TRPC7: variants seen among roughly 807,000 people sequenced by gnomAD.
TRPC7 encodes the protein short transient receptor potential channel 7.
A neutral mutation model predicts 90.1 loss-of-function variants in TRPC7; 42 were observed. The ratio of observed to expected loss-of-function variants is 0.47; its 90% CI spans 0.36 to 0.60. TRPC7 has a LOEUF of 0.60. Among genes scored for constraint, TRPC7 ranks in the 20% least tolerant of loss-of-function variants. The probability of loss-of-function intolerance (pLI) is 0.00; values close to 1 mark genes in which losing one functional copy is unlikely to be tolerated. For missense variants in TRPC7, 955 were observed against 1,112.3 expected, an observed-to-expected ratio of 0.86 and a Z score of 2.01; for synonymous variants, 451 against 436.3, an observed-to-expected ratio of 1.03 and a Z score of -0.42.
At chr5:136,325,870 C>T (rs1759329078) in intron 2 of TRPC7, among the ~76,000 whole-genome samples, 1 of 152,152 alleles carries the variant, frequency 6.6e-6, no homozygotes, top group African/African-American at 2.4e-5. Context: ...AGGAAAAACC[C>T]CATCTCTCCA....
At chr5:136,304,819 C>T (rs1758549188) in intron 3 of TRPC7, among the ~76,000 whole-genome samples, 1 of 152,234 alleles carries the variant, frequency 6.6e-6, no homozygotes, top group African/African-American at 2.4e-5. Flanking sequence ...CAATCCCTTA[C>T]AAAACAACAA....
chr5:136,249,637 T>C (rs994214185), intron 6 of TRPC7, among the ~76,000 whole-genome samples: 9 of 152,236 alleles, frequency 5.9e-5, no homozygotes, highest in African/African-American at 2.2e-4. Context: ...TGTCAGATCC[T>C]GGTGACTAGG....
At chr5:136,219,175 A>G (rs1755371137) in intron 10 of TRPC7, among the ~76,000 whole-genome samples, 1 of 152,184 alleles carries the variant, frequency 6.6e-6, no homozygotes, top group Admixed American at 6.5e-5. Context: ...CATCCCTTGA[A>G]GAAGGGGGTC....
intron 10 of TRPC7, among the ~76,000 whole-genome samples, chr5:136,218,198 TATA>T (rs1483484864): frequency 6.8e-6 from 1 of 146,912 alleles, no homozygotes; most frequent in Admixed American, 6.8e-5. Flanking sequence ...TTTTTGAGAT[TATA>T]TAAAATATAT....
intron 4 of TRPC7, among the ~76,000 whole-genome samples, chr5:136,271,434 C>G (rs1056998898): frequency 6.6e-6 from 1 of 152,196 alleles, no homozygotes; most frequent in African/African-American, 2.4e-5. Context: ...TTGAAGATGA[C>G]TGTTATTTAT....
chr5:136,258,437 A>G (rs1404716019), intron 5 of TRPC7, among the ~76,000 whole-genome samples: 2 of 151,920 alleles, frequency 1.3e-5, no homozygotes, highest in Non-Finnish European at 2.9e-5. Context: ...CAATCACAGG[A>G]GTGTTTAGAG....
chr5:136,316,034 C>T, intron 2 of TRPC7: 1 of 451,766 alleles, frequency 2.2e-6, no homozygotes, highest in South Asian at 3.9e-5. Flanking sequence ...ATCAGAGTCA[C>T]CTTAGCTGCG....
intron 5 of TRPC7, among the ~76,000 whole-genome samples, chr5:136,252,377 T>A (rs1420257936): frequency 2.0e-5 from 3 of 152,146 alleles, no homozygotes; most frequent in African/African-American, 7.2e-5. Flanking sequence ...GTTTTGTTTT[T>A]AAATCCCAGA....
intron 3 of TRPC7, among the ~76,000 whole-genome samples, chr5:136,298,560 C>T (rs1758263275): frequency 6.6e-6 from 1 of 152,162 alleles, no homozygotes; most frequent in African/African-American, 2.4e-5. Flanking sequence ...TCCCCAAAGC[C>T]AGAGGAAACC....
At chr5:136,330,710 T>G (rs1239747621) in intron 2 of TRPC7, among the ~76,000 whole-genome samples, 1 of 152,246 alleles carries the variant, frequency 6.6e-6, no homozygotes, top group Non-Finnish European at 1.5e-5. Flanking sequence ...GGCTGAGCTC[T>G]GGGAGCTGAG....
rs1758361213 is a variant in TRPC7 at position 136,300,970 on chromosome 5, A to G, written c.963+14627T>C. 2.6e-5 allele frequency among the ~76,000 whole-genome samples: 4 copies of G among 152,212 alleles called. No homozygotes were observed. The South Asian group carries it at 8.3e-4, about 32-fold the overall frequency. On this transcript the variant is annotated intron_variant, in intron 3 of 11. Coordinates refer to ENST00000513104, the MANE Select transcript of TRPC7 (RefSeq NM_020389.3). ...AATCATTAAAGAGCCTTTAAAAAAC[A>G]CCAATTGCTGTGCTCCCACCCAAAA...
chr5:136,357,850 T>C (rs1215697164), intron 1 of TRPC7, among the ~76,000 whole-genome samples: 1 of 152,140 alleles, frequency 6.6e-6, no homozygotes, highest in Non-Finnish European at 1.5e-5. Flanking sequence ...ATGAAGTAAT[T>C]TGTAAGTAGA....
chr5:136,304,666 T>C (rs1384098740), intron 3 of TRPC7, among the ~76,000 whole-genome samples: 2 of 152,198 alleles, frequency 1.3e-5, no homozygotes, highest in Non-Finnish European at 2.9e-5. Context: ...ACCTGGGCTA[T>C]ACTGCTGCAA....
chr5:136,286,836 A>G (rs1041523149), intron 3 of TRPC7, among the ~76,000 whole-genome samples: 4 of 152,116 alleles, frequency 2.6e-5, no homozygotes, highest in African/African-American at 9.7e-5. Context: ...CTGCCTTGAC[A>G]TTCATCCTCT....
Position 136,302,635 on chromosome 5 carries a change from C to G in TRPC7, c.963+12962G>C, listed in dbSNP as rs1039696190. 2.6e-5 allele frequency among the ~76,000 whole-genome samples: 4 copies of G among 152,164 alleles called. No individual in the cohort carries two copies. In the East Asian group the frequency reaches 7.7e-4, roughly 29 times the overall value. ...GAACTTAAAACCTCTTCAACTCTCA[C>G]CTGACCTAAAATCTAAGCATCTTAT... On this transcript the variant is annotated intron_variant, in intron 3 of 11. Transcript: ENST00000513104.
chr5:136,225,536 T>C (rs765346691), intron 9 of TRPC7, among the ~76,000 whole-genome samples, 182 bp from the exon 10 acceptor site: 1 of 151,938 alleles, frequency 6.6e-6, no homozygotes, highest in African/African-American at 2.4e-5. Context: ...TTTAGCTCTG[T>C]AGGATGTTAA....
Position 136,266,417 on chromosome 5 carries a change from C to A in TRPC7, c.1148G>T (p.Ser383Ile), listed in dbSNP as rs1356324708. Residue 383 changes from serine (S) to isoleucine (I), a missense_variant, in exon 5 of 12, where the codon AGC becomes ATC. Physicochemically the swap from Ser to Ile is moderately radical, Grantham distance 142. Around this residue, in one of 4 missense-constraint regions of TRPC7, gnomAD observed 484 missense variants for 509.6 expected, o/e 0.95. Coordinates refer to ENST00000513104, the MANE Select transcript of TRPC7 (RefSeq NM_020389.3). ...PCSKLGRTLR[S>I]PFMKFVAHAV... ...ATGAGCTACAAACTTCATGAAAGGGCTCCTCAGGGTTCGTCCTAGCTGGAA... is the reference window on the plus strand; with the variant it reads ...ATGAGCTACAAACTTCATGAAAGGGATCCTCAGGGTTCGTCCTAGCTGGAA... 1 of 1,613,634 alleles carries A rather than the reference C, an allele frequency of 6.2e-7. No individual in the cohort carries two copies. The highest frequency in any genetic ancestry group is 8.5e-7 in the Non-Finnish European group (1 of 1,179,700).
At position 136,269,073 on chromosome 5, in the gene TRPC7, G is replaced by A. The variant is rs866087323; in HGVS notation, c.1129-2637C>T. On this transcript the variant is annotated intron_variant, in intron 4 of 11. Coordinates refer to ENST00000513104, the MANE Select transcript of TRPC7 (RefSeq NM_020389.3). ...GCTAGCAGCTCTTAGCTGCAGAATC[G>A]TTAAAGCTGGGTCAGGTATCAGCGT... Among the ~76,000 whole-genome samples the A allele has an allele frequency of 1.8e-4, 28 of 152,298 alleles. No homozygotes were observed. In the Middle Eastern group the frequency reaches 0.014, roughly 74 times the overall value.
intron 3 of TRPC7, among the ~76,000 whole-genome samples, chr5:136,292,914 A>C (rs1471810799): frequency 6.6e-6 from 1 of 152,232 alleles, no homozygotes; most frequent in Non-Finnish European, 1.5e-5. Flanking sequence ...TGGCAAATCG[A>C]ATCCAGCAAC....
Sources: allele counts gnomAD v4.1 joint callset (sites outside exome capture counted in the v4.1 genomes callset), GRCh38; gene constraint gnomAD v4.1.1; regional missense constraint gnomAD v4.1.1; transcripts MANE v1.5; gene names NCBI Gene and HGNC (gene_info 2026-07-23, HGNC 2026-07-21).